Variants in ULK2 observed in about 807,000 individuals in gnomAD.
ULK2 encodes unc-51 like autophagy activating kinase 2.
Under a neutral mutation model 127.5 loss-of-function variants are expected in ULK2, and 76 were observed. The ratio of observed to expected loss-of-function variants is 0.60; its 90% CI spans 0.50 to 0.72. The LOEUF (loss-of-function observed/expected upper bound fraction) is 0.72, where lower values mean the gene tolerates loss of function less well. Ranked by LOEUF, ULK2 falls within the 30% of genes least tolerant of loss-of-function variation. The pLI, the probability that ULK2 is intolerant of heterozygous loss-of-function variation, is 0.00. For missense variants in ULK2, 1,144 were observed against 1,295.9 expected (o/e 0.88, Z 1.80); for synonymous variants, 452 against 461.9 (o/e 0.98, Z 0.28).
chr17:19,815,864 A>G (rs1032417875), intron 13 of ULK2, among the ~76,000 whole-genome samples: 1 of 152,164 alleles, frequency 6.6e-6, no homozygotes, highest in Non-Finnish European at 1.5e-5. Flanking sequence ...ACAAAATTTA[A>G]AAAAAAGAAA....
intron 26 of ULK2, among the ~76,000 whole-genome samples, chr17:19,776,768 A>G (rs2086819207): frequency 6.6e-6 from 1 of 152,196 alleles, no homozygotes; most frequent in South Asian, 2.1e-4. Flanking sequence ...GTATCCCATC[A>G]ATCTCCAGTC....
At chr17:19,828,326 C>A (rs1267017543) in intron 10 of ULK2, among the ~76,000 whole-genome samples, 1 of 152,180 alleles carries the variant, frequency 6.6e-6, no homozygotes, top group Non-Finnish European at 1.5e-5. Flanking sequence ...ACATGAAGAT[C>A]TCCGGAAAAG....
chr17:19,846,896 T>C lies in ULK2; in HGVS notation c.310A>G (p.Ser104Gly), dbSNP rs1011389024. 1 of 1,609,626 alleles carries C rather than the reference T, an allele frequency of 6.2e-7. No homozygotes were observed. The highest frequency in any genetic ancestry group is 8.5e-7 in the Non-Finnish European group (1 of 1,178,232). The change falls in exon 6 of 27, where the codon AGT (serine) becomes GGT (glycine). Residue 104 changes from serine to glycine, a missense_variant. Physicochemically the swap from Ser to Gly is moderately conservative, Grantham distance 56 (BLOSUM62 0). This residue lies in a region of ULK2 where 231 missense variants were observed against 325.4 expected (regional missense o/e 0.71). Coordinates refer to ENST00000395544, the MANE Select transcript of ULK2 (RefSeq NM_014683.4). Reference sequence around the variant, plus strand: ...AGAAACACTCTGATCGTGTCTTCACTGAGAGTCCCTTTCGCTGGTACAAAA... The same window carrying C: ...AGAAACACTCTGATCGTGTCTTCACCGAGAGTCCCTTTCGCTGGTACAAAA... The part of the protein sequence containing the change: ...ADYLQAKGTL[S>G]EDTIRVFLHQ...
In ULK2 at chr17:19,804,770, T is replaced by C. The variant is rs1490379073; in HGVS notation, c.1218A>G (p.Gln406=). ...SETAPIPVPT[Q]IRNYQRIEQN... Reference sequence around the variant, plus strand: ...GCTCTATGCGCTGATAATTCCTTATTTGAGTAGGAACTGGAATTGGTGCTG... The same window carrying C: ...GCTCTATGCGCTGATAATTCCTTATCTGAGTAGGAACTGGAATTGGTGCTG... Residue 406 remains glutamine (Q), a synonymous_variant, in exon 15 of 27, where the codon CAA becomes CAG. Coordinates refer to ENST00000395544, the MANE Select transcript of ULK2 (RefSeq NM_014683.4). 3.1e-6 allele frequency: 5 copies of C among 1,613,072 alleles called. No individual in the cohort carries two copies. The highest frequency in any genetic ancestry group is 4.2e-6 in the Non-Finnish European group (5 of 1,179,434).
Position 19,841,522 on chromosome 17 carries a change from A to T in ULK2, c.671T>A (p.Met224Lys). ...FQANSPQDLR[M>K]FYEKNRSLMP... ...TAAGCTCCTGTTTTTTTCATAAAACATCCTTAAGTCTTGAGGACTATTGGC... is the reference window on the plus strand; with the variant it reads ...TAAGCTCCTGTTTTTTTCATAAAACTTCCTTAAGTCTTGAGGACTATTGGC... Residue 224 changes from methionine (M) to lysine (K), a missense_variant, in exon 9 of 27, where the codon ATG becomes AAG. By Grantham distance (95) the Met-to-Lys change is moderately conservative (BLOSUM62 -1). Coordinates refer to ENST00000395544, the MANE Select transcript of ULK2 (RefSeq NM_014683.4). 1.3e-6 allele frequency: 2 copies of T among 1,593,458 alleles called. No individual in the cohort carries two copies. The highest frequency in any genetic ancestry group is 2.3e-5 in the East Asian group (1 of 44,270).
chr17:19,853,755 T>C (rs942042416), intron 3 of ULK2, among the ~76,000 whole-genome samples: 1 of 151,834 alleles, frequency 6.6e-6, no homozygotes, highest in African/African-American at 2.4e-5. Context: ...GTATTTTTAG[T>C]AGAGATGGGG....
chr17:19,777,641 G>C lies in ULK2; in HGVS notation c.2992C>G (p.Leu998Val), dbSNP rs1313193256. ...IVYRYHKAAL[L>V]LEGLSRILQD... ...AGAATCCTACTTAGGCCTTCCAAAA[G>C]AAGGGCTGCCTTATGATAGCGATAA... The change falls in exon 26 of 27, where the codon CTT becomes GTT. Residue 998 changes from leucine to valine, a missense_variant. This residue lies in a region of ULK2 where 913 missense variants were observed against 970.5 expected (regional missense o/e 0.94). Coordinates refer to ENST00000395544, the MANE Select transcript of ULK2 (RefSeq NM_014683.4). The C allele has an allele frequency of 6.2e-7, 1 of 1,614,134 alleles. No homozygotes were observed. Among genetic ancestry groups the C allele is most frequent in the Non-Finnish European group, 8.5e-7 (1 of 1,180,026 alleles).
intron 9 of ULK2, chr17:19,840,018 A>G: frequency 6.8e-6 from 2 of 295,874 alleles, no homozygotes; most frequent in South Asian, 6.7e-5. Flanking sequence ...AGTAACCAAA[A>G]AAATGAAAAC....
chr17:19,853,457 C>T (rs9916309), intron 3 of ULK2, among the ~76,000 whole-genome samples: 4,695 of 151,728 alleles, frequency 0.031, 233 homozygotes, highest in African/African-American at 0.11. Context: ...GTTTCTAAAC[C>T]CAAATCCTCA....
chr17:19,825,991 A>AT (rs1228572999), intron 11 of ULK2, 148 bp downstream of exon 11: 2 of 149,884 alleles, frequency 1.3e-5, no homozygotes, highest in African/African-American at 7.7e-5. Context: ...CATCTCAAAA[A>AT]AAAAAAAAAA....
chr17:19,789,036 C>T (rs1471863998), intron 20 of ULK2, among the ~76,000 whole-genome samples: 2 of 152,212 alleles, frequency 1.3e-5, no homozygotes, highest in East Asian at 1.9e-4. Flanking sequence ...AGGAAGGACA[C>T]AAACCTGGCT....
chr17:19,783,592 A>T (rs2086964794), intron 22 of ULK2, 105 bp downstream of exon 22: 2 of 1,171,432 alleles, frequency 1.7e-6, no homozygotes, highest in Non-Finnish European at 2.2e-6. Context: ...CACGTTAAAG[A>T]GAACATAACT....
At chr17:19,779,360 T>C (rs2052642912) in intron 25 of ULK2, among the ~76,000 whole-genome samples, 1 of 151,848 alleles carries the variant, frequency 6.6e-6, no homozygotes, top group Non-Finnish European at 1.5e-5. Context: ...GGTAAAATCC[T>C]GTCTCTACTA....
At chr17:19,791,841 TTA>T (rs1200846910) in intron 20 of ULK2, among the ~76,000 whole-genome samples, 1 of 132,816 alleles carries the variant, frequency 7.5e-6, no homozygotes, top group African/African-American at 3.0e-5. Context: ...AACACCCTGT[TTA>T]CAAAAAAAAA....
chr17:19,803,502 C>T (rs1324660407), intron 15 of ULK2, among the ~76,000 whole-genome samples: 1 of 152,180 alleles, frequency 6.6e-6, no homozygotes, highest in East Asian at 1.9e-4. Flanking sequence ...CAAATAACGT[C>T]TAATTTTTAT....
At chr17:19,862,107 T>A (rs953518316) in intron 3 of ULK2, among the ~76,000 whole-genome samples, 1 of 150,726 alleles carries the variant, frequency 6.6e-6, no homozygotes, top group Non-Finnish European at 1.5e-5. Context: ...CTTTTTTTTT[T>A]CCCCCCCGAG....
At chr17:19,852,518 CA>C (rs1241027121) in intron 3 of ULK2, among the ~76,000 whole-genome samples, 2,819 of 54,418 alleles carry the variant, frequency 0.052, 47 homozygotes, top group African/African-American at 0.14. Context: ...GACTCCATCT[CA>C]AAAAAAAAAA....
At chr17:19,801,205 C>A (rs1192178326) in intron 16 of ULK2, among the ~76,000 whole-genome samples, 3 of 152,164 alleles carry the variant, frequency 2.0e-5, no homozygotes, top group South Asian at 2.1e-4. Flanking sequence ...AAAGGAGATG[C>A]TTTTTATACA....
chr17:19,801,007 G>A (rs954023226), intron 16 of ULK2, among the ~76,000 whole-genome samples: 2 of 152,008 alleles, frequency 1.3e-5, no homozygotes, highest in African/African-American at 4.8e-5. Context: ...TCCTTATTAC[G>A]GTACCAGGAG....
Sources: gnomAD v4.1 joint callset for allele counts (sites outside exome capture counted in the v4.1 genomes callset) on GRCh38, gnomAD v4.1.1 for gene constraint, gnomAD v4.1.1 regional missense constraint, MANE v1.5 for transcripts, NCBI Gene and HGNC (gene_info 2026-07-23, HGNC 2026-07-21) for gene names.